The following KCNIP4 variants were observed in gnomAD, a reference collection of about 807,000 sequenced individuals.
KCNIP4 encodes Kv channel-interacting protein 4.
Under a neutral mutation model 34.0 loss-of-function variants are expected in KCNIP4, and 12 were observed. That is an observed-to-expected ratio of 0.35 (90% CI 0.23 to 0.57). The LOEUF (loss-of-function observed/expected upper bound fraction) is 0.57, where lower values mean the gene tolerates loss of function less well. KCNIP4 is among the 20% of genes least tolerant of loss of function. The probability of loss-of-function intolerance (pLI) is 0.83; values close to 1 mark genes in which losing one functional copy is unlikely to be tolerated. For missense variants in KCNIP4, 238 were observed against 311.7 expected (o/e 0.76, Z 1.78); for synonymous variants, 124 against 102.2 (o/e 1.21, Z -1.29).
intron 1 of KCNIP4, among the ~76,000 whole-genome samples, 164 bp from the exon 2 acceptor site, chr4:20,882,873 G>C (rs1305277390): frequency 6.6e-6 from 1 of 150,762 alleles, no homozygotes; most frequent in Non-Finnish European, 1.5e-5. Flanking sequence ...AAAAAAGTTT[G>C]TTTTCTTCTT....
At chr4:20,779,536 A>G (rs768125788) in intron 3 of KCNIP4, among the ~76,000 whole-genome samples, 1 of 151,440 alleles carries the variant, frequency 6.6e-6, no homozygotes, top group Non-Finnish European at 1.5e-5. Flanking sequence ...TTGATAACCT[A>G]ATCTCTGGAA....
chr4:21,552,189 C>T (rs964035190), intron 1 of KCNIP4, among the ~76,000 whole-genome samples: 1 of 151,944 alleles, frequency 6.6e-6, no homozygotes, highest in Non-Finnish European at 1.5e-5. Flanking sequence ...TCAATATTTG[C>T]TTCCCCAGGT....
intron 2 of KCNIP4, among the ~76,000 whole-genome samples, chr4:20,878,981 G>A (rs1283525164): frequency 1.3e-5 from 2 of 152,106 alleles, no homozygotes; most frequent in Non-Finnish European, 2.9e-5. Context: ...AGAAGATTCC[G>A]ACTTCAGCAA....
chr4:21,881,649 T>C (rs1726468521), intron 1 of KCNIP4, among the ~76,000 whole-genome samples: 1 of 152,130 alleles, frequency 6.6e-6, no homozygotes. Flanking sequence ...TAAAAAGCAG[T>C]AGTATATCTG....
chr4:20,991,512 T>C (rs905850769), intron 1 of KCNIP4, among the ~76,000 whole-genome samples: 6 of 152,078 alleles, frequency 3.9e-5, no homozygotes, highest in African/African-American at 1.4e-4. Context: ...TGAGGATACA[T>C]AGATGAATGG....
At chr4:21,860,503 G>C (rs1026096400) in intron 1 of KCNIP4, among the ~76,000 whole-genome samples, 1 of 149,618 alleles carries the variant, frequency 6.7e-6, no homozygotes, top group Non-Finnish European at 1.5e-5. Flanking sequence ...TAAATGTTAT[G>C]ACTTTTTTCC....
At chr4:21,081,313 A>G (rs943264113) in intron 1 of KCNIP4, among the ~76,000 whole-genome samples, 2 of 151,822 alleles carry the variant, frequency 1.3e-5, no homozygotes, top group Non-Finnish European at 2.9e-5. Flanking sequence ...TTACCATAGA[A>G]ATAAATGTAT....
At chr4:21,594,680 T>C (rs1385468657) in intron 1 of KCNIP4, among the ~76,000 whole-genome samples, 3 of 151,824 alleles carry the variant, frequency 2.0e-5, no homozygotes, top group South Asian at 2.1e-4. Context: ...GGAAGAAAAA[T>C]GCTGCTCAGA....
chr4:21,014,847 G>A (rs889783674), intron 1 of KCNIP4, among the ~76,000 whole-genome samples: 5 of 152,110 alleles, frequency 3.3e-5, no homozygotes, highest in African/African-American at 1.2e-4. Flanking sequence ...TAGCCCAAAC[G>A]TGGAAACAAC....
At chr4:21,532,916 T>C (rs1736810120) in intron 1 of KCNIP4, among the ~76,000 whole-genome samples, 1 of 148,814 alleles carries the variant, frequency 6.7e-6, no homozygotes, top group Admixed American at 6.7e-5. Flanking sequence ...ATTCCTTTTC[T>C]AAATTGCATC....
chr4:21,435,339 A>G (rs1253360831), intron 1 of KCNIP4, among the ~76,000 whole-genome samples: 1 of 152,200 alleles, frequency 6.6e-6, no homozygotes, highest in Non-Finnish European at 1.5e-5. Context: ...ATGCTATTCT[A>G]GTCAGTGGGA....
intron 1 of KCNIP4, among the ~76,000 whole-genome samples, chr4:21,801,293 A>T (rs1181755929): frequency 1.3e-5 from 2 of 152,208 alleles, no homozygotes; most frequent in Admixed American, 1.3e-4. Context: ...AGATTGATAA[A>T]TGTGCTGCAG....
At chr4:21,312,921 C>T (rs1258907338) in intron 1 of KCNIP4, among the ~76,000 whole-genome samples, 1 of 152,120 alleles carries the variant, frequency 6.6e-6, no homozygotes, top group African/African-American at 2.4e-5. Context: ...TCTTAATAGC[C>T]AAGCTAAGTG....
At chr4:21,395,779 T>G (rs1722935118) in intron 1 of KCNIP4, among the ~76,000 whole-genome samples, 1 of 152,166 alleles carries the variant, frequency 6.6e-6, no homozygotes, top group Non-Finnish European at 1.5e-5. Context: ...TCAAAGGGCT[T>G]CTTTTAAATG....
intron 1 of KCNIP4, among the ~76,000 whole-genome samples, chr4:20,922,402 T>C (rs1331725257): frequency 6.6e-6 from 1 of 152,148 alleles, no homozygotes; most frequent in Non-Finnish European, 1.5e-5. Flanking sequence ...CTCCCAGACA[T>C]TGTAGCGTCT....
chr4:21,629,594 A>T (rs548170395), intron 1 of KCNIP4, among the ~76,000 whole-genome samples: 4 of 152,180 alleles, frequency 2.6e-5, no homozygotes, highest in Non-Finnish European at 4.4e-5. Context: ...CCTTTATGAG[A>T]TATTAAAACT....
At chr4:21,633,725 G>A (rs1381913305) in intron 1 of KCNIP4, among the ~76,000 whole-genome samples, 2 of 151,770 alleles carry the variant, frequency 1.3e-5, no homozygotes, top group Non-Finnish European at 2.9e-5. Flanking sequence ...GTTAATATGG[G>A]TTTTATCTTG....
Position 21,315,665 on chromosome 4 carries a change from T to A in KCNIP4, c.62-432956A>T, listed in dbSNP as rs571406340. ...TGTTATTGACATAATTAGTACAAGG[T>A]GGGTGTTATGGTTATTTTGCTCCCA... On this transcript the variant is annotated intron_variant, in intron 1 of 8. Transcript: ENST00000382152. Among the ~76,000 whole-genome samples the A allele has an allele frequency of 2.6e-5, 4 of 152,216 alleles. 1 individual carries two copies. In the South Asian group the frequency reaches 8.3e-4, roughly 32 times the overall value.
At chr4:21,760,429 T>G (rs1717969930) in intron 1 of KCNIP4, among the ~76,000 whole-genome samples, 1 of 101,326 alleles carries the variant, frequency 9.9e-6, no homozygotes, top group Non-Finnish European at 2.1e-5. Flanking sequence ...AAATTCAACC[T>G]TCAATTAGAT....
Sources: allele counts gnomAD v4.1 joint callset (sites outside exome capture counted in the v4.1 genomes callset), GRCh38; gene constraint gnomAD v4.1.1; transcripts MANE v1.5; gene names NCBI Gene and HGNC (gene_info 2026-07-23, HGNC 2026-07-21).